Variants in TET2 observed in about 807,000 individuals in gnomAD.
TET2 encodes methylcytosine dioxygenase TET2.
In TET2, 299 loss-of-function variants were observed where a neutral mutation model predicts 142.9. The observed-to-expected ratio is 2.09, with a 90% CI of 1.90 to 2.30. The LOEUF (loss-of-function observed/expected upper bound fraction) is 2.30, where lower values mean the gene tolerates loss of function less well. TET2 is among the 30% of genes most tolerant of loss of function. TET2 has a pLI of 0.00. For synonymous variants in TET2, 819 were observed against 849.0 expected, an observed-to-expected ratio of 0.96 and a Z score of 0.61; for missense variants, 2,418 against 2,378.0, an observed-to-expected ratio of 1.02 and a Z score of -0.35.
chr4:105,256,354 A>G (rs553003782), intron 6 of TET2, among the ~76,000 whole-genome samples: 1 of 152,272 alleles, frequency 6.6e-6, no homozygotes, highest in African/African-American at 2.4e-5. Context: ...ATTATATAAT[A>G]CATTTCTGAA....
intron 1 of TET2, among the ~76,000 whole-genome samples, chr4:105,171,114 G>C (rs1482098071): frequency 6.6e-6 from 1 of 151,962 alleles, no homozygotes; most frequent in Non-Finnish European, 1.5e-5. Context: ...TCTTCCTGCT[G>C]TTATTGCTGG....
intron 2 of TET2, among the ~76,000 whole-genome samples, chr4:105,222,680 A>C (rs1398772726): frequency 6.6e-6 from 1 of 152,036 alleles, no homozygotes; most frequent in African/African-American, 2.4e-5. Context: ...GTTCACTCTG[A>C]TGGTAGTTCC....
rs780434999 is a variant in TET2, at chr4:105,276,353, A to T, written c.5843A>T (p.Lys1948Ile). 6.4e-7 allele frequency: 1 copy of T among 1,551,724 alleles called. No individual in the cohort carries two copies. The change falls in exon 11 of 11, where the codon AAA becomes ATA. Residue 1948 changes from lysine (K) to isoleucine (I), a missense_variant. Coordinates refer to ENST00000380013, the MANE Select transcript of TET2 (RefSeq NM_001127208.3). ...GTGCCTCAGAAATCCCATGGCAAAA[A>T]AGTGAAACGGGAGCCTGCTGAGCCA... ...DYVPQKSHGK[K>I]VKREPAEPHE... is the part of the protein sequence containing the mutation.
chr4:105,239,181 A>G (rs966375725), intron 3 of TET2: 6 of 238,058 alleles, frequency 2.5e-5, no homozygotes, highest in Non-Finnish European at 4.4e-5. Context: ...TTGTTCCATT[A>G]CTCTACACAA....
At chr4:105,170,579 T>C (rs936322640) in intron 1 of TET2, among the ~76,000 whole-genome samples, 1 of 152,250 alleles carries the variant, frequency 6.6e-6, no homozygotes, top group African/African-American at 2.4e-5. Flanking sequence ...TCTGCTGATT[T>C]ATCCTCATTG....
At chr4:105,201,433 G>A (rs771156846) in intron 2 of TET2, among the ~76,000 whole-genome samples, 1 of 152,154 alleles carries the variant, frequency 6.6e-6, no homozygotes. Flanking sequence ...AATAGGGGGT[G>A]CATTTGTGCT....
At chr4:105,177,584 C>T (rs1050651082) in intron 1 of TET2, 13 of 152,200 alleles carry the variant, frequency 8.5e-5, no homozygotes, top group African/African-American at 3.1e-4. Flanking sequence ...TGAGATACCG[C>T]TACATACCTG....
Position 105,236,558 on chromosome 4 carries a change from G to C in TET2, c.2616G>C (p.Val872=), listed in dbSNP as rs1331685011. The C allele has an allele frequency of 6.2e-7, 1 of 1,614,096 alleles. No individual in the cohort carries two copies. The highest frequency in any genetic ancestry group is 8.5e-7 in the Non-Finnish European group (1 of 1,180,018). ...LHHMQYFPNN[V]IPKQDLLHRC... is the part of the protein sequence containing the mutation. ...ACATGCAATATTTTCCAAATAATGT[G>C]ATCCCAAAGCAAGATCTTCTTCACA... The change falls in exon 3 of 11, where the codon GTG becomes GTC. Residue 872 remains valine (V), a synonymous_variant. Transcript: ENST00000380013.
In TET2 at chr4:105,254,761, A is replaced by G. The variant is rs114568774; in HGVS notation, c.3804-4858A>G. Among the ~76,000 whole-genome samples, 558 of 152,280 alleles carry G rather than the reference A, an allele frequency of 3.7e-3. 4 individuals are homozygous for G. Among genetic ancestry groups the G allele is most frequent in the Non-Finnish European group, 5.4e-3 (368 of 68,018 alleles). ...AATAGAATGGTATATGGCATTTTCA[A>G]AAATTGTTTTCCCCTCCTCCTATGG... On this transcript the variant is annotated intron_variant, in intron 6 of 10. Coordinates refer to ENST00000380013, the MANE Select transcript of TET2 (RefSeq NM_001127208.3).
chr4:105,261,654 G>GTGTT lies in TET2; in HGVS notation c.3955-102_3955-99dup, dbSNP rs1730434682. The GTGTT allele has an allele frequency of 1.5e-5, 9 of 607,944 alleles. No homozygotes were observed. The South Asian group carries it at 2.3e-4, about 16-fold the overall frequency. 37.7% of individuals were successfully genotyped at this position (607,944 alleles called of 1,614,324 possible). ...TTTAGTAATAAAGGCACCATATATTGTGTTTGGGATTCAAAATGTAAGGGG... is the reference window on the plus strand; with the variant it reads ...TTTAGTAATAAAGGCACCATATATTGTGTTTGTTTGGGATTCAAAATGTAAGGGG... On this transcript the variant is annotated intron_variant, in intron 7 of 10. Coordinates refer to ENST00000380013, the MANE Select transcript of TET2 (RefSeq NM_001127208.3).
intron 8 of TET2, among the ~76,000 whole-genome samples, chr4:105,268,751 A>G (rs1037227447): frequency 9.9e-5 from 15 of 152,140 alleles, no homozygotes; most frequent in Admixed American, 2.0e-4. Context: ...TGGGTGGATC[A>G]CTTGAGGCCA....
At chr4:105,193,783 G>A in intron 2 of TET2, among the ~76,000 whole-genome samples, 1 of 152,156 alleles carries the variant, frequency 6.6e-6, no homozygotes, top group East Asian at 1.9e-4. Flanking sequence ...ACAATCAGAT[G>A]CAGATATTCT....
intron 1 of TET2, among the ~76,000 whole-genome samples, chr4:105,160,369 A>G (rs1723788246): frequency 6.6e-6 from 1 of 152,196 alleles, no homozygotes; most frequent in African/African-American, 2.4e-5. Context: ...ATGTCTAACC[A>G]CGTATATTTG....
chr4:105,161,620 A>G lies in TET2; in HGVS notation c.-193+14641A>G, dbSNP rs1389310338. ...CCTCTTTCTCGGACCTTTGTTTCAC[A>G]GTAAATCATATATGGATATAAGCTG... is the stretch of plus-strand genomic sequence containing the variant. On this transcript the variant is annotated intron_variant, in intron 1 of 10. Coordinates refer to ENST00000380013, the MANE Select transcript of TET2 (RefSeq NM_001127208.3). 3.9e-5 allele frequency among the ~76,000 whole-genome samples: 6 copies of G among 152,230 alleles called. No individual in the cohort carries two copies. The South Asian group carries it at 1.2e-3, about 31-fold the overall frequency.
chr4:105,274,695 C>T (rs1731113000), intron 10 of TET2, among the ~76,000 whole-genome samples: 1 of 151,924 alleles, frequency 6.6e-6, no homozygotes, highest in Non-Finnish European at 1.5e-5. Flanking sequence ...CAAAGCGGTC[C>T]CTTGAGGAAG....
chr4:105,274,116 TAAGTA>T (rs1731086866), intron 10 of TET2, among the ~76,000 whole-genome samples: 1 of 152,250 alleles, frequency 6.6e-6, no homozygotes, highest in African/African-American at 2.4e-5. Context: ...GACTTAACAC[TAAGTA>T]AATACTGTTC....
At chr4:105,204,618 A>G (rs939532460) in intron 2 of TET2, among the ~76,000 whole-genome samples, 4 of 152,196 alleles carry the variant, frequency 2.6e-5, no homozygotes. Context: ...TAATTGCAGG[A>G]TAATTTGAAA....
intron 2 of TET2, among the ~76,000 whole-genome samples, chr4:105,199,772 A>G (rs1160367159): frequency 6.6e-6 from 1 of 152,146 alleles, no homozygotes. Flanking sequence ...GCTCCCACTT[A>G]TAAGTGAGAA....
At chr4:105,258,040 C>T (rs1048034073) in intron 6 of TET2, among the ~76,000 whole-genome samples, 1 of 152,132 alleles carries the variant, frequency 6.6e-6, no homozygotes, top group Non-Finnish European at 1.5e-5. Context: ...CTGGCTGCTG[C>T]TTTTCATAAT....
Sources: gnomAD v4.1 joint callset for allele counts (sites outside exome capture counted in the v4.1 genomes callset) on GRCh38, gnomAD v4.1.1 for gene constraint, MANE v1.5 for transcripts, NCBI Gene and HGNC (gene_info 2026-07-23, HGNC 2026-07-21) for gene names.